The following DTD1 variants were observed in gnomAD, a reference collection of about 807,000 sequenced individuals.
The protein encoded by DTD1 is D-aminoacyl-tRNA deacylase 1, also known as D-tyrosyl-tRNA deacylase 1 homolog.
A neutral mutation model predicts 25.6 loss-of-function variants in DTD1; 13 were observed. The ratio of observed to expected loss-of-function variants is 0.51; its 90% CI spans 0.33 to 0.81. The LOEUF is 0.81. Among genes scored for constraint, DTD1 ranks in the 30% least tolerant of loss-of-function variants. The pLI is 0.02. For synonymous variants in DTD1, 110 were observed against 103.6 expected (o/e 1.06, Z -0.37); for missense variants, 193 against 266.4 (o/e 0.72, Z 1.92).
intron 3 of DTD1, among the ~76,000 whole-genome samples, chr20:18,608,533 C>T (rs1414130033): frequency 6.6e-6 from 1 of 152,154 alleles, no homozygotes; most frequent in Admixed American, 6.5e-5. Flanking sequence ...ATGAAAGAAA[C>T]TTAGATTATT....
chr20:18,708,244 AATATATAT>A lies in DTD1; in HGVS notation c.478-35855_478-35848del, dbSNP rs2061138063. On this transcript the variant is annotated intron_variant, in intron 4 of 5. Coordinates refer to ENST00000377452, the MANE Select transcript of DTD1 (RefSeq NM_080820.6). ...ATATATATATATTTTATATATATAT[AATATATAT>A]TATATATATATTTTATATATATATA... Among the ~76,000 whole-genome samples the A allele has an allele frequency of 3.9e-4, 16 of 41,394 alleles. No individual in the cohort carries two copies. In the East Asian group the frequency reaches 5.1e-3, roughly 13 times the overall value. 27.2% of individuals were successfully genotyped at this position (41,394 alleles called of 152,430 possible).
intron 5 of DTD1, among the ~76,000 whole-genome samples, 162 bp from the exon 6 acceptor site, chr20:18,763,198 T>G (rs987126422): frequency 6.6e-6 from 1 of 152,190 alleles, no homozygotes; most frequent in African/African-American, 2.4e-5. Flanking sequence ...CATGGCAACA[T>G]GGCAGGTTTT....
At chr20:18,694,032 C>T (rs1014078161) in intron 4 of DTD1, among the ~76,000 whole-genome samples, 1 of 152,186 alleles carries the variant, frequency 6.6e-6, no homozygotes, top group African/African-American at 2.4e-5. Flanking sequence ...GTCTCCATCG[C>T]ATTGAAGGTT....
At chr20:18,729,392 A>G (rs2061233007) in intron 4 of DTD1, among the ~76,000 whole-genome samples, 1 of 152,256 alleles carries the variant, frequency 6.6e-6, no homozygotes. Context: ...TTTGTGAGCT[A>G]CTGGTAGATC....
At chr20:18,668,103 T>C (rs977563961) in intron 4 of DTD1, among the ~76,000 whole-genome samples, 3 of 152,222 alleles carry the variant, frequency 2.0e-5, no homozygotes, top group African/African-American at 7.2e-5. Flanking sequence ...CAAATGTCAG[T>C]ATTTGGTTCT....
chr20:18,618,838 G>A (rs538434463), intron 3 of DTD1, among the ~76,000 whole-genome samples: 8 of 151,492 alleles, frequency 5.3e-5, no homozygotes, highest in South Asian at 4.2e-4. Flanking sequence ...TCAGCCTCCC[G>A]AGTAGCTGGG....
chr20:18,675,023 T>TTTAC (rs1312379450), intron 4 of DTD1: 1 of 152,226 alleles, frequency 6.6e-6, no homozygotes. Flanking sequence ...GCCCAGGTGT[T>TTTAC]TCTGGCCAGG....
At chr20:18,745,459 T>A (rs1289914123) in intron 5 of DTD1, among the ~76,000 whole-genome samples, 1 of 152,188 alleles carries the variant, frequency 6.6e-6, no homozygotes, top group Non-Finnish European at 1.5e-5. Context: ...GGAACAGTTA[T>A]ACTACAGCAC....
chr20:18,617,321 T>C (rs2060712886), intron 3 of DTD1, among the ~76,000 whole-genome samples: 1 of 148,314 alleles, frequency 6.7e-6, no homozygotes, highest in African/African-American at 2.4e-5. Context: ...AAAAAAATTA[T>C]ATATAATATA....
chr20:18,757,605 C>T (rs1213919503), intron 5 of DTD1, among the ~76,000 whole-genome samples: 5 of 152,200 alleles, frequency 3.3e-5, no homozygotes, highest in Non-Finnish European at 5.9e-5. Flanking sequence ...ACCAGCCTTG[C>T]GTCCCAGGGA....
chr20:18,673,023 A>G (rs886144371), intron 4 of DTD1, among the ~76,000 whole-genome samples: 4 of 152,196 alleles, frequency 2.6e-5, no homozygotes, highest in Admixed American at 6.5e-5. Flanking sequence ...GGCTGGGTAC[A>G]TAACAAGCGC....
At chr20:18,641,740 T>C (rs2122337586) in intron 4 of DTD1, among the ~76,000 whole-genome samples, 1 of 152,302 alleles carries the variant, frequency 6.6e-6, no homozygotes, top group South Asian at 2.1e-4. Context: ...ATTGCAGAAG[T>C]TCTTTATGTA....
intron 1 of DTD1, among the ~76,000 whole-genome samples, chr20:18,592,913 C>T (rs11908411): frequency 0.03 from 4,600 of 151,878 alleles, 115 homozygotes; most frequent in African/African-American, 0.053. Context: ...GAACTCCTGA[C>T]GTCATATGAC....
chr20:18,709,423 T>G (rs536685309), intron 4 of DTD1, among the ~76,000 whole-genome samples: 2 of 152,320 alleles, frequency 1.3e-5, no homozygotes, highest in South Asian at 4.2e-4. Flanking sequence ...TATTTCTGTA[T>G]TACTCTCCAT....
intron 4 of DTD1, among the ~76,000 whole-genome samples, chr20:18,693,656 T>TA (rs11484391): frequency 0.47 from 67,181 of 143,628 alleles, 16,255 homozygotes; most frequent in East Asian, 0.6. Context: ...GACTCCCATC[T>TA]AAAAAAAAAA....
At chr20:18,713,124 G>A (rs1004623873) in intron 4 of DTD1, among the ~76,000 whole-genome samples, 1 of 152,260 alleles carries the variant, frequency 6.6e-6, no homozygotes, top group Non-Finnish European at 1.5e-5. Context: ...GCCTCCTGCC[G>A]AGGCTGGCCC....
At chr20:18,620,357 G>A (rs2060728820) in intron 3 of DTD1, among the ~76,000 whole-genome samples, 1 of 152,246 alleles carries the variant, frequency 6.6e-6, no homozygotes, top group East Asian at 1.9e-4. Flanking sequence ...CAAACTCAAT[G>A]GGTCTAACCC....
At chr20:18,695,805 G>C (rs189845133) in intron 4 of DTD1, among the ~76,000 whole-genome samples, 240 of 151,328 alleles carry the variant, frequency 1.6e-3, no homozygotes, top group African/African-American at 5.6e-3. Flanking sequence ...CAAGTTGTTG[G>C]GACTACAGGC....
At chr20:18,606,800 A>T (rs1333300362) in intron 3 of DTD1, among the ~76,000 whole-genome samples, 1 of 117,764 alleles carries the variant, frequency 8.5e-6, no homozygotes, top group Non-Finnish European at 1.7e-5. Context: ...GGGGGGAGGG[A>T]TAGCATTGGA....
Sources: allele counts gnomAD v4.1 joint callset (sites outside exome capture counted in the v4.1 genomes callset), GRCh38; gene constraint gnomAD v4.1.1; transcripts MANE v1.5; gene names NCBI Gene and HGNC (gene_info 2026-07-23, HGNC 2026-07-21).